Variants in RALGAPA1 observed in about 807,000 individuals in gnomAD.
RALGAPA1 encodes the protein Ral GTPase activating protein catalytic subunit alpha 1.
Under a neutral mutation model 269.6 loss-of-function variants are expected in RALGAPA1, and 52 were observed. That is an observed-to-expected ratio of 0.19 (90% CI 0.15 to 0.24). The LOEUF is 0.24. Among genes scored for constraint, RALGAPA1 ranks in the 10% least tolerant of loss-of-function variants. The probability of loss-of-function intolerance (pLI) is 1.00; values close to 1 mark genes in which losing one functional copy is unlikely to be tolerated. For synonymous variants in RALGAPA1, 817 were observed against 1,008.3 expected (o/e 0.81, Z 3.60); for missense variants, 1,917 against 3,013.9 (o/e 0.64, Z 8.52).
At chr14:35,585,855 C>G (rs2058246653) in intron 37 of RALGAPA1, among the ~76,000 whole-genome samples, 1 of 152,168 alleles carries the variant, frequency 6.6e-6, no homozygotes, top group African/African-American at 2.4e-5. Flanking sequence ...GTTACTGTAG[C>G]CTTGTAGTAT....
chr14:35,724,561 T>TA (rs1325451807), intron 14 of RALGAPA1, among the ~76,000 whole-genome samples: 3 of 152,054 alleles, frequency 2.0e-5, no homozygotes, highest in South Asian at 2.1e-4. Context: ...AAAGTCTTAT[T>TA]AAAAAAAAGC....
chr14:35,550,165 A>G (rs1262386898), intron 39 of RALGAPA1, among the ~76,000 whole-genome samples: 1 of 152,212 alleles, frequency 6.6e-6, no homozygotes, highest in East Asian at 1.9e-4. Flanking sequence ...AACTATGGAA[A>G]TGGCTGTCAA....
At chr14:35,655,726 C>T in intron 29 of RALGAPA1, 81 bp downstream of exon 29, 2 of 1,511,904 alleles carry the variant, frequency 1.3e-6, no homozygotes, top group Non-Finnish European at 1.8e-6. Context: ...CTAAATGTTA[C>T]ACAAGATACC....
At chr14:35,652,383 T>TATAC (rs968163110) in intron 30 of RALGAPA1, among the ~76,000 whole-genome samples, 37 of 148,792 alleles carry the variant, frequency 2.5e-4, no homozygotes, top group East Asian at 2.1e-3. Flanking sequence ...TATATATATA[T>TATAC]ACACACACAC....
At chr14:35,771,492 T>C (rs1489322535) in intron 3 of RALGAPA1, among the ~76,000 whole-genome samples, 1 of 152,212 alleles carries the variant, frequency 6.6e-6, no homozygotes, top group Non-Finnish European at 1.5e-5. Context: ...ACTGGCATGT[T>C]GATCACTATT....
In RALGAPA1 at chr14:35,585,454, C is replaced by A. The variant is rs947446370; in HGVS notation, c.7209+10180G>T. ...TGAAACAAATGAAAATGCAAAAGTT[C>A]TGTAAGAGACAGTGGTGATGGTTGC... On this transcript the variant is annotated intron_variant, in intron 37 of 41. Coordinates refer to ENST00000680220, the MANE Select transcript of RALGAPA1 (RefSeq NM_001346249.2). Among the ~76,000 whole-genome samples, 5 of 1,402 alleles carry A rather than the reference C, an allele frequency of 3.6e-3. No homozygotes were observed. The Admixed American group carries it at 0.047, about 13-fold the overall frequency. The allele number at this position is 1,402 out of a possible 152,430, so 0.9% of individuals were successfully genotyped here.
intron 16 of RALGAPA1, among the ~76,000 whole-genome samples, chr14:35,704,963 G>A (rs1411047098): frequency 6.6e-6 from 1 of 152,044 alleles, no homozygotes; most frequent in Non-Finnish European, 1.5e-5. Context: ...TATTTCAAAT[G>A]TCTAAATTAT....
intron 12 of RALGAPA1, among the ~76,000 whole-genome samples, chr14:35,733,727 G>A (rs910205034): frequency 1.3e-5 from 2 of 151,906 alleles, no homozygotes; most frequent in Admixed American, 6.6e-5. Flanking sequence ...CAAGATCAGA[G>A]CAGAACTAAA....
Position 35,627,472 on chromosome 14 carries a change from C to A in RALGAPA1, c.6475G>T (p.Val2159Leu). The A allele has an allele frequency of 6.2e-7, 1 of 1,613,312 alleles. No individual in the cohort carries two copies. Among genetic ancestry groups the A allele is most frequent in the Non-Finnish European group, 8.5e-7 (1 of 1,179,838 alleles). ...AACTGGAGAGAAAGTCCATCTTTTACGGTTATATCTTCTAAGCATTCATTA... is the reference window on the plus strand; with the variant it reads ...AACTGGAGAGAAAGTCCATCTTTTAAGGTTATATCTTCTAAGCATTCATTA... The part of the protein sequence containing the change: ...TSNECLEDIT[V>L]KDGLSLQFKR... The change falls in exon 34 of 42, where the codon GTA becomes TTA. Residue 2159 changes from valine (V) to leucine (L), a missense_variant. Val to Leu is a conservative substitution (Grantham distance 32). This residue lies in a region of RALGAPA1 where 25 missense variants were observed against 19.2 expected (regional missense o/e 1.30). Transcript: ENST00000680220.
At chr14:35,724,551 AAAGTCTTATTAAAAAAAAGCATG>A (rs2069716979) in intron 14 of RALGAPA1, among the ~76,000 whole-genome samples, 1 of 152,192 alleles carries the variant, frequency 6.6e-6, no homozygotes, top group African/African-American at 2.4e-5. Flanking sequence ...GGAGGATAAT[AAAGTCTTATTAAAAAAAAGCATG>A]ATAAGAATCA....
intron 4 of RALGAPA1, among the ~76,000 whole-genome samples, chr14:35,767,775 AT>A (rs995110790): frequency 1.3e-5 from 2 of 151,310 alleles, no homozygotes; most frequent in Admixed American, 6.6e-5. Flanking sequence ...TTTAATTAAA[AT>A]TTTTTTTTAT....
At chr14:35,762,643 T>A in intron 5 of RALGAPA1, 67 bp downstream of exon 5, 2 of 885,184 alleles carry the variant, frequency 2.3e-6, no homozygotes, top group Admixed American at 1.8e-5. Flanking sequence ...GTAGGAAAAG[T>A]GTTAACAGGT....
chr14:35,748,849 A>C, intron 9 of RALGAPA1, 25 bp from the exon 10 acceptor site: 1 of 1,534,044 alleles, frequency 6.5e-7, no homozygotes, highest in Non-Finnish European at 8.7e-7. Flanking sequence ...AAAAAAAAAA[A>C]GAGAGAAACA....
At position 35,780,253 on chromosome 14, in the gene RALGAPA1, G is replaced by T. The variant is rs1169033; in HGVS notation, c.107-4508C>A. On this transcript the variant is annotated intron_variant, in intron 1 of 41. Transcript: ENST00000680220. Reference sequence around the variant, plus strand: ...AGCAGAAACTGAACAGAACTGAATTGAAGGAATATACACACAATTCAACAA... The same window carrying T: ...AGCAGAAACTGAACAGAACTGAATTTAAGGAATATACACACAATTCAACAA... Among the ~76,000 whole-genome samples, 681 of 152,254 alleles carry T rather than the reference G, an allele frequency of 4.5e-3. 2 individuals are homozygous for T. The highest frequency in any genetic ancestry group is 0.015 in the African/African-American group (612 of 41,550).
intron 26 of RALGAPA1, among the ~76,000 whole-genome samples, chr14:35,670,942 A>C (rs918924345): frequency 4.0e-5 from 6 of 151,364 alleles, no homozygotes; most frequent in African/African-American, 1.5e-4. Flanking sequence ...AAAAAGAGAG[A>C]GAGAGAGTTT....
chr14:35,769,094 A>C (rs899764840), intron 4 of RALGAPA1, among the ~76,000 whole-genome samples: 3 of 144,270 alleles, frequency 2.1e-5, no homozygotes, highest in Non-Finnish European at 4.5e-5. Context: ...AAAGACTAGA[A>C]TGGAAAACAA....
intron 22 of RALGAPA1, among the ~76,000 whole-genome samples, chr14:35,674,955 C>G (rs1251612024): frequency 6.6e-6 from 1 of 152,104 alleles, no homozygotes; most frequent in Non-Finnish European, 1.5e-5. Flanking sequence ...ACTACTCACT[C>G]TGCAGATAGA....
At chr14:35,726,321 T>C (rs915590282) in intron 13 of RALGAPA1, among the ~76,000 whole-genome samples, 10 of 152,262 alleles carry the variant, frequency 6.6e-5, no homozygotes. Flanking sequence ...TGTAACCTTA[T>C]GCTTCTAGCT....
chr14:35,697,045 T>C (rs1595184189), intron 17 of RALGAPA1, among the ~76,000 whole-genome samples: 1 of 152,306 alleles, frequency 6.6e-6, no homozygotes, highest in South Asian at 2.1e-4. Context: ...CAACTCTCTA[T>C]TCTTATAACT....
Sources: gnomAD v4.1 joint callset for allele counts (sites outside exome capture counted in the v4.1 genomes callset) on GRCh38, gnomAD v4.1.1 for gene constraint, gnomAD v4.1.1 regional missense constraint, MANE v1.5 for transcripts, NCBI Gene and HGNC (gene_info 2026-07-23, HGNC 2026-07-21) for gene names.